Variants in TBC1D1 observed in about 807,000 individuals in gnomAD.
TBC1D1 encodes TBC1 (tre-2/USP6, BUB2, cdc16) domain family, member 1.
Under a neutral mutation model 125.6 loss-of-function variants are expected in TBC1D1, and 89 were observed. That is an observed-to-expected ratio of 0.71 (90% CI 0.60 to 0.85). TBC1D1 has a LOEUF of 0.85. Among genes scored for constraint, TBC1D1 ranks in the 40% least tolerant of loss-of-function variants. The pLI is 0.00. For missense variants in TBC1D1, 1,377 were observed against 1,469.2 expected (o/e 0.94, Z 1.03); for synonymous variants, 565 against 564.1 (o/e 1.00, Z -0.02).
At chr4:38,038,965 C>A (rs1424199815) in intron 8 of TBC1D1, among the ~76,000 whole-genome samples, 2 of 146,616 alleles carry the variant, frequency 1.4e-5, no homozygotes, top group East Asian at 2.0e-4. Context: ...AAAAAAATTT[C>A]ATCCTACCAG....
intron 6 of TBC1D1, among the ~76,000 whole-genome samples, chr4:38,022,507 A>G (rs1170492949): frequency 6.6e-6 from 1 of 152,226 alleles, no homozygotes; most frequent in Non-Finnish European, 1.5e-5. Flanking sequence ...TTCCAGGAGA[A>G]GGCCATACTG....
intron 1 of TBC1D1, among the ~76,000 whole-genome samples, chr4:37,901,678 T>G (rs1300613692): frequency 2.1e-5 from 1 of 47,410 alleles, no homozygotes; most frequent in African/African-American, 7.4e-5. Context: ...CCAGATCAGT[T>G]GTTTAAAACT....
chr4:37,931,920 A>C (rs766422683), intron 2 of TBC1D1, among the ~76,000 whole-genome samples: 6 of 152,254 alleles, frequency 3.9e-5, no homozygotes, highest in African/African-American at 7.2e-5. Flanking sequence ...TGAGCAGAAT[A>C]GAGAAATAAA....
At chr4:37,937,479 C>A (rs927956620) in intron 2 of TBC1D1, among the ~76,000 whole-genome samples, 1 of 152,130 alleles carries the variant, frequency 6.6e-6, no homozygotes, top group Admixed American at 6.5e-5. Context: ...CTATTTCACC[C>A]CAAGAAATAA....
intron 14 of TBC1D1, among the ~76,000 whole-genome samples, chr4:38,102,740 G>A (rs936247837): frequency 6.6e-6 from 1 of 151,958 alleles, no homozygotes; most frequent in Non-Finnish European, 1.5e-5. Context: ...AATTAGCCAG[G>A]CATGGTGGTG....
intron 7 of TBC1D1, among the ~76,000 whole-genome samples, chr4:38,030,089 C>T (rs548802812): frequency 6.6e-6 from 1 of 152,356 alleles, no homozygotes; most frequent in Admixed American, 6.5e-5. Flanking sequence ...AGAAGAGGAA[C>T]TTCCCTCTCA....
At chr4:38,064,355 G>C (rs909033928) in intron 12 of TBC1D1, among the ~76,000 whole-genome samples, 1 of 152,112 alleles carries the variant, frequency 6.6e-6, no homozygotes, top group South Asian at 2.1e-4. Context: ...CTCCAGGGGG[G>C]CCTTACCTGT....
chr4:38,100,806 A>G (rs2152555423), intron 14 of TBC1D1, among the ~76,000 whole-genome samples: 1 of 152,354 alleles, frequency 6.6e-6, no homozygotes, highest in South Asian at 2.1e-4. Context: ...GAATCTGTTA[A>G]TAAAATGATT....
intron 14 of TBC1D1, among the ~76,000 whole-genome samples, chr4:38,097,743 G>GC (rs1462054065): frequency 1.3e-5 from 2 of 152,162 alleles, no homozygotes; most frequent in Non-Finnish European, 2.9e-5. Flanking sequence ...CTCCCAAAGT[G>GC]CTGGGATTAC....
chr4:38,133,562 A>G (rs928788647), intron 19 of TBC1D1, among the ~76,000 whole-genome samples: 2 of 152,224 alleles, frequency 1.3e-5, no homozygotes, highest in Non-Finnish European at 2.9e-5. Context: ...TGTTAGCTGA[A>G]TGCCAGCCGT....
At chr4:37,903,585 T>C (rs1716636046) in intron 2 of TBC1D1, among the ~76,000 whole-genome samples, 1 of 152,228 alleles carries the variant, frequency 6.6e-6, no homozygotes, top group African/African-American at 2.4e-5. Flanking sequence ...ATAGAAATGC[T>C]AAAGTTTTCT....
intron 8 of TBC1D1, among the ~76,000 whole-genome samples, chr4:38,041,307 A>G (rs925140695): frequency 2.0e-5 from 3 of 152,238 alleles, no homozygotes; most frequent in African/African-American, 7.2e-5. Context: ...ATTGGCAGAA[A>G]TTTTTAAAAA....
chr4:37,972,903 CAAA>C (rs33977382), intron 2 of TBC1D1, among the ~76,000 whole-genome samples: 62 of 104,546 alleles, frequency 5.9e-4, no homozygotes, highest in African/African-American at 1.4e-3. Context: ...ACTCCATCTC[CAAA>C]AAAAAAAAAA....
chr4:38,103,751 G>C (rs545731392), intron 15 of TBC1D1, among the ~76,000 whole-genome samples: 1 of 152,270 alleles, frequency 6.6e-6, no homozygotes, highest in East Asian at 1.9e-4. Flanking sequence ...AAGTATTTGG[G>C]AAGAAAAATC....
At chr4:38,087,302 G>A (rs891556777) in intron 12 of TBC1D1, among the ~76,000 whole-genome samples, 3 of 152,206 alleles carry the variant, frequency 2.0e-5, no homozygotes, top group African/African-American at 7.2e-5. Flanking sequence ...TCTATAGACA[G>A]TGGTCCTTGT....
intron 2 of TBC1D1, among the ~76,000 whole-genome samples, chr4:37,963,546 A>G (rs1348083188): frequency 6.6e-6 from 1 of 152,146 alleles, no homozygotes; most frequent in African/African-American, 2.4e-5. Context: ...CCAGCTACTC[A>G]CTGAGGAGGC....
chr4:37,976,878 A>G (rs77479346), intron 2 of TBC1D1, among the ~76,000 whole-genome samples: 2,363 of 152,274 alleles, frequency 0.016, 68 homozygotes, highest in African/African-American at 0.053. Flanking sequence ...CCTGACTCCA[A>G]GAAAACCACC....
intron 6 of TBC1D1, among the ~76,000 whole-genome samples, chr4:38,025,161 C>G (rs1744824208): frequency 1.3e-5 from 2 of 152,328 alleles, no homozygotes; most frequent in South Asian, 4.1e-4. Flanking sequence ...CATCACCGCT[C>G]TCTCTAACAA....
At chr4:38,001,274 G>T (rs995307420) in intron 2 of TBC1D1, among the ~76,000 whole-genome samples, 1 of 152,208 alleles carries the variant, frequency 6.6e-6, no homozygotes, top group Non-Finnish European at 1.5e-5. Flanking sequence ...AAATGGAAGA[G>T]ATACGTAAGG....
Sources: allele counts gnomAD v4.1 joint callset (sites outside exome capture counted in the v4.1 genomes callset), GRCh38; gene constraint gnomAD v4.1.1; transcripts MANE v1.5; gene names NCBI Gene and HGNC (gene_info 2026-07-23, HGNC 2026-07-21).